The following ST8SIA1 variants were observed in gnomAD, a reference collection of about 807,000 sequenced individuals.
ST8SIA1 encodes the protein alpha-N-acetylneuraminide alpha-2,8-sialyltransferase.
A neutral mutation model predicts 35.9 loss-of-function variants in ST8SIA1; 16 were observed. That is an observed-to-expected ratio of 0.45 (90% CI 0.30 to 0.68). The LOEUF is 0.68. Among genes scored for constraint, ST8SIA1 ranks in the 30% least tolerant of loss-of-function variants. The pLI is 0.09. For missense variants in ST8SIA1, 383 were observed against 453.6 expected, an observed-to-expected ratio of 0.84 and a Z score of 1.41; for synonymous variants, 170 against 169.6, an observed-to-expected ratio of 1.00 and a Z score of -0.02.
intron 3 of ST8SIA1, among the ~76,000 whole-genome samples, chr12:22,251,876 A>C (rs1865674426): frequency 6.6e-6 from 1 of 152,208 alleles, no homozygotes; most frequent in Non-Finnish European, 1.5e-5. Flanking sequence ...AAAAATCATG[A>C]AATTACTTTA....
In ST8SIA1 at chr12:22,236,832, T is replaced by C. The variant is rs576882592; in HGVS notation, c.584+12174A>G. 5.3e-5 allele frequency among the ~76,000 whole-genome samples: 8 copies of C among 152,358 alleles called. No individual in the cohort carries two copies. The South Asian group carries it at 1.7e-3, about 32-fold the overall frequency. ...AAGAAAGAAGATAAATGGACATTTATGCAGTAACTCCTGTGTGTCAGGTCC... is the reference window on the plus strand; with the variant it reads ...AAGAAAGAAGATAAATGGACATTTACGCAGTAACTCCTGTGTGTCAGGTCC... On this transcript the variant is annotated intron_variant, in intron 4 of 4. Coordinates refer to ENST00000396037, the MANE Select transcript of ST8SIA1 (RefSeq NM_003034.4).
intron 1 of ST8SIA1, among the ~76,000 whole-genome samples, chr12:22,301,698 A>G (rs1387078773): frequency 6.6e-6 from 1 of 152,204 alleles, no homozygotes; most frequent in Non-Finnish European, 1.5e-5. Context: ...TTGGCTTAGA[A>G]AGCCAATAAA....
intron 2 of ST8SIA1, among the ~76,000 whole-genome samples, chr12:22,270,212 C>A (rs1865895457): frequency 6.6e-6 from 1 of 152,198 alleles, no homozygotes; most frequent in Non-Finnish European, 1.5e-5. Flanking sequence ...AAATCCCAGG[C>A]AGGACACTTT....
In ST8SIA1 at chr12:22,195,233, A is replaced by G. The variant is rs1211825834; in HGVS notation, c.*6319T>C. The G allele has an allele frequency of 6.6e-6, 1 of 151,344 alleles. No individual in the cohort carries two copies. The highest frequency in any genetic ancestry group is 1.5e-5 in the Non-Finnish European group (1 of 67,942). 9.4% of individuals were successfully genotyped at this position (151,344 alleles called of 1,614,324 possible). A position where few individuals can be genotyped will look rare whatever the true frequency, so the allele number is the denominator to read the frequency against. ...AAAAAGAAAGAAAGAAAGAAAGGAA[A>G]AAGAAAACGGGAGTGTTGTTTCACT... is the stretch of plus-strand genomic sequence containing the variant. On this transcript the variant is annotated 3_prime_UTR_variant, in exon 5 of 5. Transcript: ENST00000396037.
In ST8SIA1 at chr12:22,334,051, A is replaced by T; in HGVS notation, c.182T>A (p.Val61Glu). The change falls in exon 1 of 5, where the codon GTG becomes GAG. Residue 61 changes from valine to glutamate, a missense_variant. Val to Glu is a moderately radical substitution (Grantham distance 121, BLOSUM62 -2). Coordinates refer to ENST00000396037, the MANE Select transcript of ST8SIA1 (RefSeq NM_003034.4). ...LPNEKEIVQG[V>E]LQQGTAWRRN... ...CCTCCACGCCGTGCCCTGTTGCAGC[A>T]CCCCCTGCACGATCTCTTTCTCGTT... 6.2e-7 allele frequency: 1 copy of T among 1,610,166 alleles called. No homozygotes were observed. Among genetic ancestry groups the T allele is most frequent in the South Asian group, 1.1e-5 (1 of 90,886 alleles).
intron 4 of ST8SIA1, among the ~76,000 whole-genome samples, chr12:22,208,797 G>A (rs1241243589): frequency 6.6e-6 from 1 of 152,058 alleles, no homozygotes; most frequent in Non-Finnish European, 1.5e-5. Context: ...TGATGAAACA[G>A]GAGAATGAGT....
At chr12:22,300,004 A>G (rs907908348) in intron 1 of ST8SIA1, among the ~76,000 whole-genome samples, 2 of 152,158 alleles carry the variant, frequency 1.3e-5, no homozygotes, top group Non-Finnish European at 2.9e-5. Context: ...CAGATTTTAC[A>G]TTTTATCAAA....
At chr12:22,299,139 T>C (rs1866285422) in intron 1 of ST8SIA1, among the ~76,000 whole-genome samples, 1 of 152,088 alleles carries the variant, frequency 6.6e-6, no homozygotes, top group African/African-American at 2.4e-5. Flanking sequence ...AATCTGAAGG[T>C]ATATTAGATT....
chr12:22,322,948 TATC>T (rs1292332354), intron 1 of ST8SIA1, among the ~76,000 whole-genome samples: 3 of 152,248 alleles, frequency 2.0e-5, no homozygotes. Flanking sequence ...ATCTCTACCT[TATC>T]ATGAAGTAAA....
rs73089247 is a variant in ST8SIA1 at position 22,334,457 on chromosome 12, G to A, written c.-225C>T. On this transcript the variant is annotated 5_prime_UTR_variant, in exon 1 of 5. Coordinates refer to ENST00000396037, the MANE Select transcript of ST8SIA1 (RefSeq NM_003034.4). ...ATTTCTTTCTAGGGGAAGTGGCTGGGGGTGAAGTCACGATCTATGGCCATG... is the reference window on the plus strand; with the variant it reads ...ATTTCTTTCTAGGGGAAGTGGCTGGAGGTGAAGTCACGATCTATGGCCATG... The A allele has an allele frequency of 0.017, 10,191 of 587,770 alleles. 200 individuals carry two copies. The highest frequency in any genetic ancestry group is 0.074 in the African/African-American group (3,977 of 53,692). The allele number at this position is 587,770 out of a possible 1,614,324, so 36.4% of individuals were successfully genotyped here.
At position 22,245,263 on chromosome 12, in the gene ST8SIA1, A is replaced by T. The variant is rs147343082; in HGVS notation, c.584+3743T>A. Among the ~76,000 whole-genome samples, 3 of 152,354 alleles carry T rather than the reference A, an allele frequency of 2.0e-5. No individual in the cohort carries two copies. The East Asian group carries it at 5.8e-4, about 29-fold the overall frequency. ...AATACTGAGTCTTTCAATCATGCAC[A>T]TGGTATTATAGTACATCTAATCAGG... On this transcript the variant is annotated intron_variant, in intron 4 of 4. Transcript: ENST00000396037.
At chr12:22,316,560 G>A (rs577509002) in intron 1 of ST8SIA1, among the ~76,000 whole-genome samples, 136 of 152,198 alleles carry the variant, frequency 8.9e-4, no homozygotes, top group Admixed American at 3.3e-3. Flanking sequence ...TGGGCTGCAC[G>A]ATTCATGACT....
intron 4 of ST8SIA1, among the ~76,000 whole-genome samples, chr12:22,241,015 GT>G (rs1865534796): frequency 8.7e-6 from 1 of 115,518 alleles, no homozygotes; most frequent in Non-Finnish European, 1.7e-5. Context: ...GTCTTGCTCT[GT>G]TGCCCAGGCA....
intron 4 of ST8SIA1, among the ~76,000 whole-genome samples, chr12:22,235,126 A>G (rs980354427): frequency 6.6e-6 from 1 of 151,880 alleles, no homozygotes; most frequent in Non-Finnish European, 1.5e-5. Flanking sequence ...AACTTCGGTT[A>G]AAAATGCATA....
At chr12:22,240,978 C>CT (rs35021216) in intron 4 of ST8SIA1, among the ~76,000 whole-genome samples, 33,238 of 130,376 alleles carry the variant, frequency 0.25, 5,012 homozygotes, top group East Asian at 0.54. Flanking sequence ...CATGCCAACT[C>CT]TTTTTTTTTT....
At chr12:22,326,231 C>T (rs1336261848) in intron 1 of ST8SIA1, 3 of 218,242 alleles carry the variant, frequency 1.4e-5, no homozygotes, top group Admixed American at 1.2e-4. Flanking sequence ...ACATGGTAGA[C>T]ATTCAGCAAA....
intron 3 of ST8SIA1, 114 bp downstream of exon 3, chr12:22,255,166 G>A: frequency 1.2e-6 from 1 of 807,604 alleles, no homozygotes; most frequent in South Asian, 1.5e-5. Context: ...AAGCTAAGGA[G>A]CGTGCTACAA....
At chr12:22,256,250 C>A (rs765262849) in intron 2 of ST8SIA1, among the ~76,000 whole-genome samples, 1 of 152,182 alleles carries the variant, frequency 6.6e-6, no homozygotes, top group Non-Finnish European at 1.5e-5. Flanking sequence ...CAGCATGTGA[C>A]TTTCTTTCTG....
intron 2 of ST8SIA1, among the ~76,000 whole-genome samples, chr12:22,270,856 AC>A (rs1865904537): frequency 6.6e-6 from 1 of 152,182 alleles, no homozygotes; most frequent in Non-Finnish European, 1.5e-5. Context: ...AAAAGAAGAA[AC>A]TTTTGTAGGA....
Sources: allele counts gnomAD v4.1 joint callset (sites outside exome capture counted in the v4.1 genomes callset), GRCh38; gene constraint gnomAD v4.1.1; transcripts MANE v1.5; gene names NCBI Gene and HGNC (gene_info 2026-07-23, HGNC 2026-07-21).